Variants in KDM1B observed in about 807,000 individuals in gnomAD.
KDM1B encodes the protein lysine demethylase 1B.
A neutral mutation model predicts 107.4 loss-of-function variants in KDM1B; 63 were observed. The ratio of observed to expected loss-of-function variants is 0.59; its 90% CI spans 0.48 to 0.72. The LOEUF is 0.72. Ranked by LOEUF, KDM1B falls within the 30% of genes least tolerant of loss-of-function variation. KDM1B has a pLI of 0.00. For missense variants in KDM1B, 749 were observed against 1,020.8 expected, an observed-to-expected ratio of 0.73 and a Z score of 3.63; for synonymous variants, 363 against 363.9, an observed-to-expected ratio of 1.00 and a Z score of 0.03.
Position 18,191,084 on chromosome 6 carries a change from G to A in KDM1B, c.785-113G>A, listed in dbSNP as rs1787255187. ...TGGAGGAAGCAAAGGTATTTATGTA[G>A]GGTAGAGAGTGGAGCTTGTCTAGGC... On this transcript the variant is annotated intron_variant, in intron 9 of 21. Coordinates refer to ENST00000650836, the MANE Select transcript of KDM1B (RefSeq NM_001364614.2). The surrounding 1 kb of genome is among the most constrained non-coding windows in gnomAD (Gnocchi z 5.1). 2.6e-6 allele frequency: 2 copies of A among 772,782 alleles called. No homozygotes were observed. The highest frequency in any genetic ancestry group is 2.5e-4 in the Middle Eastern group (1 of 4,042). The allele number at this position is 772,782 out of a possible 1,614,324, so 47.9% of individuals were successfully genotyped here.
rs576142546 is a variant in KDM1B at position 18,157,854 on chromosome 6, C to T, written c.-14+1928C>T. On this transcript the variant is annotated intron_variant, in intron 2 of 21. Coordinates refer to ENST00000650836, the MANE Select transcript of KDM1B (RefSeq NM_001364614.2). ...TTGAGATGGAGTCTCACTCTGTTGCCGAGGCTGGAGTGCAGTGGTGTGATC... is the reference window on the plus strand; with the variant it reads ...TTGAGATGGAGTCTCACTCTGTTGCTGAGGCTGGAGTGCAGTGGTGTGATC... Among the ~76,000 whole-genome samples the T allele has an allele frequency of 8.2e-5, 11 of 133,692 alleles. No homozygotes were observed. In the East Asian group the frequency reaches 2.0e-3, roughly 24 times the overall value. The allele number at this position is 133,692 out of a possible 152,430, so 87.7% of individuals were successfully genotyped here. A position where few individuals can be genotyped will look rare whatever the true frequency, so the allele number is the denominator to read the frequency against.
chr6:18,197,108 G>A lies in KDM1B; in HGVS notation c.1021G>A (p.Val341Met), dbSNP rs762116514. 3.1e-6 allele frequency: 5 copies of A among 1,613,864 alleles called. No individual in the cohort carries two copies. Among genetic ancestry groups the A allele is most frequent in the South Asian group, 2.2e-5 (2 of 91,066 alleles). ...CIPHIIVRGLVRIRCVQEVER... is the reference protein window; with the variant it reads ...CIPHIIVRGLMRIRCVQEVER... ...TCCTCACATCATCGTCCGGGGTCTC[G>A]TGCGTATTCGATGCGTTCAGGAAGT... The change falls in exon 11 of 22, where the codon GTG becomes ATG. Residue 341 changes from valine to methionine, a missense_variant. Coordinates refer to ENST00000650836, the MANE Select transcript of KDM1B (RefSeq NM_001364614.2). The surrounding 1 kb of genome is among the most constrained non-coding windows in gnomAD (Gnocchi z 4.5).
Position 18,200,504 on chromosome 6 carries a change from C to T in KDM1B, c.1287C>T (p.Gly429=), listed in dbSNP as rs751484286. 12 of 1,613,900 alleles carry T rather than the reference C, an allele frequency of 7.4e-6. No homozygotes were observed. Among genetic ancestry groups the T allele is most frequent in the South Asian group, 3.3e-5 (3 of 91,082 alleles). ...GRVWDDKSFK[G]VTVGRGAQIV... ...TCTGGGATGATAAATCTTTTAAAGG[C>T]GTCACAGTGGGAAGAGGAGCTCAGA... The change falls in exon 13 of 22, where the codon GGC becomes GGT. Residue 429 remains glycine (G), a synonymous_variant. Coordinates refer to ENST00000650836, the MANE Select transcript of KDM1B (RefSeq NM_001364614.2). The surrounding 1 kb of genome is among the most constrained non-coding windows in gnomAD (Gnocchi z 4.3).
At chr6:18,168,246 C>T (rs776714275) in intron 6 of KDM1B, among the ~76,000 whole-genome samples, 32 of 152,188 alleles carry the variant, frequency 2.1e-4, no homozygotes, top group Non-Finnish European at 2.8e-4. Flanking sequence ...ATTTTCATCA[C>T]GCACAAGGGA....
At position 18,162,916 on chromosome 6, in the gene KDM1B, C is replaced by T. The variant is rs1252564295; in HGVS notation, c.297C>T (p.Tyr99=). 6.3e-7 allele frequency: 1 copy of T among 1,598,502 alleles called. No individual in the cohort carries two copies. ...TCTGTAATGAATGCTTTGACCATTA[C>T]TACAGAAGGTATGTTCACTAATTGT... is the stretch of plus-strand genomic sequence containing the variant. ...EHFCNECFDH[Y]YRSHKDGYDK... Residue 99 remains tyrosine (Y), a synonymous_variant, in exon 5 of 22, where the codon TAC becomes TAT. Coordinates refer to ENST00000650836, the MANE Select transcript of KDM1B (RefSeq NM_001364614.2). The surrounding 1 kb of genome is among the most constrained non-coding windows in gnomAD (Gnocchi z 4.1).
Position 18,200,617 on chromosome 6 carries a change from A to C in KDM1B, c.1359+41A>C. ...CTTTGTGTTGTAGATAAAGGAAAGA[A>C]AAACAGTTTCAATTTGCTTGTGTGC... On this transcript the variant is annotated intron_variant, in intron 13 of 21. Transcript: ENST00000650836. This position sits in a 1 kb window ranked among gnomAD's most constrained non-coding sequence, Gnocchi z 4.3. 2 of 1,583,244 alleles carry C rather than the reference A, an allele frequency of 1.3e-6. No homozygotes were observed. Among genetic ancestry groups the C allele is most frequent in the Non-Finnish European group, 1.7e-6 (2 of 1,166,338 alleles).
At chr6:18,178,385 C>T (rs1034469009) in intron 7 of KDM1B, among the ~76,000 whole-genome samples, 73 of 151,286 alleles carry the variant, frequency 4.8e-4, no homozygotes, top group Non-Finnish European at 1.3e-4. Context: ...CGCACCCGGC[C>T]TATTTTTTAT....
chr6:18,166,243 A>G (rs1298873614), intron 5 of KDM1B, 24 bp from the exon 6 acceptor site: 1 of 1,060,372 alleles, frequency 9.4e-7, no homozygotes, highest in Non-Finnish European at 1.5e-6. Context: ...ATTAATCGAT[A>G]TATTAATTTT....
chr6:18,199,112 C>A (rs747091623), intron 12 of KDM1B, among the ~76,000 whole-genome samples: 5 of 150,838 alleles, frequency 3.3e-5, no homozygotes, highest in Non-Finnish European at 7.4e-5. Context: ...GTGGGAGGAT[C>A]TCTTGAGTGA....
chr6:18,198,637 C>CAAAAA (rs762849198), intron 12 of KDM1B, among the ~76,000 whole-genome samples: 14 of 69,132 alleles, frequency 2.0e-4, no homozygotes, highest in East Asian at 9.6e-4. Context: ...GACTCCATCT[C>CAAAAA]AAAAAAAAAA....
intron 12 of KDM1B, among the ~76,000 whole-genome samples, chr6:18,199,007 A>AG (rs1491329028): frequency 1.3e-5 from 1 of 75,406 alleles, no homozygotes; most frequent in Non-Finnish European, 2.7e-5. Flanking sequence ...TGTCTCTACC[A>AG]GAAAAAAAAA....
intron 7 of KDM1B, among the ~76,000 whole-genome samples, chr6:18,177,407 A>G (rs2150858414): frequency 6.6e-6 from 1 of 150,388 alleles, no homozygotes; most frequent in Admixed American, 6.6e-5. Flanking sequence ...TCAAAGAACC[A>G]GCTTTTTGTT....
At chr6:18,196,120 ATG>A (rs2150956279) in intron 10 of KDM1B, among the ~76,000 whole-genome samples, 1 of 152,314 alleles carries the variant, frequency 6.6e-6, no homozygotes, top group African/African-American at 2.4e-5. Flanking sequence ...ACTTAACATA[ATG>A]TGCTTCTGGT....
chr6:18,189,955 C>A (rs997195907), intron 9 of KDM1B, among the ~76,000 whole-genome samples: 10 of 151,414 alleles, frequency 6.6e-5, no homozygotes, highest in African/African-American at 2.4e-4. Context: ...ATCAGCCTGG[C>A]CAAAATGGTG....
At chr6:18,173,601 A>T (rs976033905) in intron 7 of KDM1B, among the ~76,000 whole-genome samples, 6 of 151,846 alleles carry the variant, frequency 4.0e-5, no homozygotes, top group African/African-American at 1.5e-4. Flanking sequence ...ATACTCTGTG[A>T]TTTCTTTGAG....
intron 9 of KDM1B, among the ~76,000 whole-genome samples, chr6:18,190,193 G>A (rs1322381111): frequency 6.6e-6 from 1 of 152,052 alleles, no homozygotes; most frequent in Non-Finnish European, 1.5e-5. Flanking sequence ...TCCATGAGGA[G>A]TGGGCATTCA....
At chr6:18,198,569 C>T (rs1161458794) in intron 12 of KDM1B, among the ~76,000 whole-genome samples, 1 of 135,190 alleles carries the variant, frequency 7.4e-6, no homozygotes, top group Non-Finnish European at 1.5e-5. Context: ...ACGCCCTTTG[C>T]GGAGCTTGCA....
Position 18,214,276 on chromosome 6 carries a change from C to A in KDM1B, c.2109+495C>A, listed in dbSNP as rs1789060539. Among the ~76,000 whole-genome samples the A allele has an allele frequency of 6.6e-6, 1 of 152,196 alleles. No individual in the cohort carries two copies. The stretch of plus-strand genomic sequence containing the variant: ...TCATGTCACTGCCACACGAAAGAAT[C>A]ATGGCTGTTTCTGACTTTCAGTTTC... On this transcript the variant is annotated intron_variant, in intron 19 of 21. Transcript: ENST00000650836. This position sits in a 1 kb window ranked among gnomAD's most constrained non-coding sequence, Gnocchi z 4.4.
chr6:18,179,184 C>G (rs1374077499), intron 7 of KDM1B, among the ~76,000 whole-genome samples: 2 of 152,094 alleles, frequency 1.3e-5, no homozygotes, highest in African/African-American at 4.8e-5. Flanking sequence ...CTTTAATCAG[C>G]AAATGTAATG....
Sources: allele counts gnomAD v4.1 joint callset (sites outside exome capture counted in the v4.1 genomes callset), GRCh38; gene constraint gnomAD v4.1.1; non-coding constraint Gnocchi (gnomAD v3.1); transcripts MANE v1.5; gene names NCBI Gene and HGNC (gene_info 2026-07-23, HGNC 2026-07-21).